The following PTPN14 variants were observed in gnomAD, a reference collection of about 807,000 sequenced individuals.
The protein encoded by PTPN14 is tyrosine-protein phosphatase non-receptor type 14.
Under a neutral mutation model 126.8 loss-of-function variants are expected in PTPN14, and 53 were observed. That is an observed-to-expected ratio of 0.42 (90% CI 0.34 to 0.53). PTPN14 has a LOEUF of 0.53. PTPN14 is among the 20% of genes least tolerant of loss of function. PTPN14 has a pLI of 0.08. For synonymous variants in PTPN14, 630 were observed against 599.3 expected (o/e 1.05, Z -0.75); for missense variants, 1,257 against 1,552.9 (o/e 0.81, Z 3.20).
At chr1:214,541,326 T>C (rs1033603676) in intron 1 of PTPN14, among the ~76,000 whole-genome samples, 1 of 152,044 alleles carries the variant, frequency 6.6e-6, no homozygotes, top group Admixed American at 6.6e-5. Context: ...TGAGAAATGT[T>C]TGGAGAAGGT....
At chr1:214,438,489 G>A (rs1249078787) in intron 3 of PTPN14, among the ~76,000 whole-genome samples, 2 of 152,164 alleles carry the variant, frequency 1.3e-5, no homozygotes, top group African/African-American at 4.8e-5. Context: ...TTGCCTGAGG[G>A]AATTAGGGAC....
intron 1 of PTPN14, among the ~76,000 whole-genome samples, chr1:214,543,598 A>C (rs1655894668): frequency 6.6e-6 from 1 of 152,186 alleles, no homozygotes; most frequent in Non-Finnish European, 1.5e-5. Context: ...CCCTCAGGTC[A>C]GCATTTCAGA....
intron 2 of PTPN14, among the ~76,000 whole-genome samples, chr1:214,459,473 T>C (rs1394422477): frequency 2.6e-5 from 1 of 38,860 alleles, no homozygotes; most frequent in Non-Finnish European, 4.3e-5. Context: ...CTTTTCTTTC[T>C]TTTTTTTTTT....
chr1:214,430,169 A>C (rs1197434618), intron 3 of PTPN14, among the ~76,000 whole-genome samples: 2 of 152,138 alleles, frequency 1.3e-5, no homozygotes, highest in Non-Finnish European at 2.9e-5. Flanking sequence ...CTCTTACATA[A>C]TTTCCTTGGC....
intron 3 of PTPN14, among the ~76,000 whole-genome samples, chr1:214,451,228 AC>A (rs1276699466): frequency 6.6e-6 from 1 of 152,024 alleles, no homozygotes; most frequent in Non-Finnish European, 1.5e-5. Flanking sequence ...TGGCATGATC[AC>A]GGCTCACTGC....
At chr1:214,434,388 C>T (rs535670356) in intron 3 of PTPN14, among the ~76,000 whole-genome samples, 240 of 152,114 alleles carry the variant, frequency 1.6e-3, no homozygotes, top group Non-Finnish European at 3.1e-3. Context: ...CTGGCAGTGT[C>T]CTCTGGTAAC....
At chr1:214,550,105 C>G (rs75643767) in intron 1 of PTPN14, among the ~76,000 whole-genome samples, 6,867 of 152,298 alleles carry the variant, frequency 0.045, 222 homozygotes, top group Middle Eastern at 0.11. Context: ...TCTCACAGAA[C>G]CCCTCTTCCA....
intron 1 of PTPN14, 102 bp from the exon 2 acceptor site, chr1:214,465,059 A>G: frequency 2.6e-6 from 1 of 383,800 alleles, no homozygotes; most frequent in Non-Finnish European, 4.8e-6. Flanking sequence ...CCACCCCGCC[A>G]AACAGATCAA....
intron 5 of PTPN14, among the ~76,000 whole-genome samples, chr1:214,408,645 C>T (rs997675449): frequency 2.0e-5 from 3 of 152,110 alleles, no homozygotes; most frequent in Non-Finnish European, 4.4e-5. Context: ...TATGTACATA[C>T]ATAAGAATGA....
At chr1:214,434,907 T>C (rs567069846) in intron 3 of PTPN14, among the ~76,000 whole-genome samples, 1 of 152,292 alleles carries the variant, frequency 6.6e-6, no homozygotes, top group South Asian at 2.1e-4. Flanking sequence ...ATGAGACTGG[T>C]TTCTTGAAAG....
intron 1 of PTPN14, among the ~76,000 whole-genome samples, chr1:214,537,739 G>C (rs1051603948): frequency 6.6e-6 from 1 of 152,016 alleles, no homozygotes; most frequent in African/African-American, 2.4e-5. Flanking sequence ...AGTCCTCTTA[G>C]GCATCACTGA....
intron 1 of PTPN14, among the ~76,000 whole-genome samples, chr1:214,501,299 T>C (rs1192713932): frequency 6.6e-6 from 1 of 152,160 alleles, no homozygotes; most frequent in African/African-American, 2.4e-5. Flanking sequence ...TGCAGTCCAG[T>C]GGCACTCTCA....
In PTPN14 at chr1:214,427,276, CAAA is replaced by C. The variant is rs5741915; in HGVS notation, c.345-12553_345-12551del. On this transcript the variant is annotated intron_variant, in intron 3 of 18. Transcript: ENST00000366956. ...TTGGCGACAGAGTGAGTCTCCATCTCAAAAAAAAAAAAAAAAAAAAAAAAATTA... is the reference window on the plus strand; with the variant it reads ...TTGGCGACAGAGTGAGTCTCCATCTCAAAAAAAAAAAAAAAAAAAAAATTA... 6.1e-3 allele frequency among the ~76,000 whole-genome samples: 398 copies of C among 65,178 alleles called. 1 individual carries two copies. Among genetic ancestry groups the C allele is most frequent in the African/African-American group, 0.025 (383 of 15,442 alleles). The allele number at this position is 65,178 out of a possible 152,430, so 42.8% of individuals were successfully genotyped here.
intron 1 of PTPN14, among the ~76,000 whole-genome samples, chr1:214,508,783 T>C (rs984945017): frequency 7.2e-5 from 11 of 152,234 alleles, no homozygotes; most frequent in Admixed American, 6.5e-5. Context: ...TCGAAATTAC[T>C]CCTTGATCCA....
intron 5 of PTPN14, among the ~76,000 whole-genome samples, chr1:214,404,984 C>T (rs1472006326): frequency 6.6e-6 from 1 of 152,190 alleles, no homozygotes; most frequent in African/African-American, 2.4e-5. Context: ...GCATGCAGAC[C>T]ATTCTTCAAT....
intron 1 of PTPN14, among the ~76,000 whole-genome samples, chr1:214,494,632 G>A (rs1280431516): frequency 9.9e-5 from 15 of 152,140 alleles, no homozygotes; most frequent in African/African-American, 3.6e-4. Context: ...TGCAAGGGTA[G>A]AAAGAGATGA....
intron 1 of PTPN14, among the ~76,000 whole-genome samples, chr1:214,512,595 G>C (rs1223698909): frequency 6.6e-6 from 1 of 152,142 alleles, no homozygotes; most frequent in African/African-American, 2.4e-5. Context: ...TTTCAGTTTT[G>C]CAAGATGAAA....
intron 3 of PTPN14, among the ~76,000 whole-genome samples, chr1:214,444,419 AG>A (rs1454787210): frequency 6.6e-6 from 1 of 152,224 alleles, no homozygotes; most frequent in African/African-American, 2.4e-5. Context: ...ACTTGAAGGG[AG>A]TCCCTGTATC....
chr1:214,452,539 A>T (rs1261916917), intron 2 of PTPN14, among the ~76,000 whole-genome samples: 1 of 152,168 alleles, frequency 6.6e-6, no homozygotes, highest in African/African-American at 2.4e-5. Flanking sequence ...TTATACACGA[A>T]CTGCAGCAAA....
Sources: gnomAD v4.1 joint callset for allele counts (sites outside exome capture counted in the v4.1 genomes callset) on GRCh38, gnomAD v4.1.1 for gene constraint, MANE v1.5 for transcripts, NCBI Gene and HGNC (gene_info 2026-07-23, HGNC 2026-07-21) for gene names.